GNL2: variants seen among roughly 807,000 people sequenced by gnomAD.
The protein encoded by GNL2 is nucleolar GTP-binding protein 2.
Under a neutral mutation model 92.3 loss-of-function variants are expected in GNL2, and 51 were observed. The observed-to-expected ratio is 0.55, with a 90% CI of 0.44 to 0.70. The LOEUF (loss-of-function observed/expected upper bound fraction) is 0.70. Among genes scored for constraint, GNL2 ranks in the 30% least tolerant of loss-of-function variants. The pLI is 0.00. For missense variants in GNL2, 844 were observed against 895.6 expected, an observed-to-expected ratio of 0.94 and a Z score of 0.74; for synonymous variants, 283 against 300.6, an observed-to-expected ratio of 0.94 and a Z score of 0.61.
chr1:37,582,903 G>C lies in GNL2; in HGVS notation c.670C>G (p.Leu224Val). 1.9e-6 allele frequency: 3 copies of C among 1,612,742 alleles called. No individual in the cohort carries two copies. Among genetic ancestry groups the C allele is most frequent in the Non-Finnish European group, 2.5e-6 (3 of 1,179,130 alleles). Reference sequence around the variant, plus strand: ...GTACCCATTGGATCTCTAGCATCAAGAACTTGAACTACAACATCTGATGAA... The same window carrying C: ...GTACCCATTGGATCTCTAGCATCAACAACTTGAACTACAACATCTGATGAA... ...IDSSDVVVQV[L>V]DARDPMGTRS... Residue 224 changes from leucine to valine, a missense_variant, in exon 7 of 16, where the codon CTT (leucine) becomes GTT (valine). Leu to Val is a conservative substitution (Grantham distance 32). Transcript: ENST00000373062.
At chr1:37,591,096 C>T (rs1643885053) in intron 3 of GNL2, among the ~76,000 whole-genome samples, 2 of 152,182 alleles carry the variant, frequency 1.3e-5, no homozygotes, top group Non-Finnish European at 2.9e-5. Flanking sequence ...GTCCAGTTTC[C>T]TAACTAAATG....
At chr1:37,590,922 G>C in intron 3 of GNL2, 77 bp from the exon 4 acceptor site, 1 of 1,179,644 alleles carries the variant, frequency 8.5e-7, no homozygotes, top group Non-Finnish European at 1.2e-6. Flanking sequence ...TGAAAGGCAA[G>C]ATTTTAAATT....
intron 14 of GNL2, 64 bp from the exon 15 acceptor site, chr1:37,567,828 G>A (rs2148126175): frequency 8.0e-7 from 1 of 1,256,984 alleles, no homozygotes; most frequent in South Asian, 1.2e-5. Context: ...ACCCAACGGT[G>A]GGAACAAGCT....
At chr1:37,571,498 A>C (rs1003289067) in intron 12 of GNL2, among the ~76,000 whole-genome samples, 14 of 152,214 alleles carry the variant, frequency 9.2e-5, no homozygotes, top group African/African-American at 2.7e-4. Flanking sequence ...GATCTGCATG[A>C]GAACACAGCT....
At position 37,575,199 on chromosome 1, in the gene GNL2, G is replaced by A. The variant is rs1367115601; in HGVS notation, c.1144-376C>T. 6.6e-6 allele frequency among the ~76,000 whole-genome samples: 1 copy of A among 152,216 alleles called. No individual in the cohort carries two copies. Among genetic ancestry groups the A allele is most frequent in the Non-Finnish European group, 1.5e-5 (1 of 68,038 alleles). On this transcript the variant is annotated intron_variant, in intron 10 of 15. Transcript: ENST00000373062. This position sits in a 1 kb window ranked among gnomAD's most constrained non-coding sequence, Gnocchi z 4.1. ...AGGAGGAATGTGTACAGGATGTATA[G>A]CCAGAAGCATGGTCAAGGTTAAGTG...
intron 8 of GNL2, among the ~76,000 whole-genome samples, chr1:37,579,957 G>C (rs1459812706): frequency 6.8e-6 from 1 of 146,734 alleles, no homozygotes; most frequent in Non-Finnish European, 1.5e-5. Context: ...GGAGGTAAAA[G>C]CAAATTTCTG....
At chr1:37,573,379 G>C (rs1404373292) in intron 12 of GNL2, among the ~76,000 whole-genome samples, 1 of 152,224 alleles carries the variant, frequency 6.6e-6, no homozygotes, top group Non-Finnish European at 1.5e-5. Context: ...GACTTGGCTG[G>C]GTTCTGAAAA....
In GNL2 at chr1:37,568,213, A is replaced by C. The variant is rs1570046039; in HGVS notation, c.1951+62T>G. 13 of 1,012,748 alleles carry C rather than the reference A, an allele frequency of 1.3e-5. No individual in the cohort carries two copies. The East Asian group carries it at 3.1e-4, about 24-fold the overall frequency. 62.7% of individuals were successfully genotyped at this position (1,012,748 alleles called of 1,614,324 possible). A position where few individuals can be genotyped will look rare whatever the true frequency, so the allele number is the denominator to read the frequency against. The stretch of plus-strand genomic sequence containing the variant: ...CTGAGATAATTTGGAGACTGAACTT[A>C]GGTTTCTCAAAACTCTAAATATGCA... On this transcript the variant is annotated intron_variant, in intron 14 of 15. Transcript: ENST00000373062.
intron 8 of GNL2, among the ~76,000 whole-genome samples, chr1:37,580,522 A>G (rs763810691): frequency 3.3e-5 from 5 of 152,248 alleles, no homozygotes; most frequent in Admixed American, 6.5e-5. Flanking sequence ...AATATGTCCC[A>G]TGGAAAGAAA....
chr1:37,582,576 A>C (rs542084458), intron 7 of GNL2, among the ~76,000 whole-genome samples: 1 of 152,362 alleles, frequency 6.6e-6, no homozygotes, highest in East Asian at 1.9e-4. Flanking sequence ...CAATTAATGG[A>C]GCATAATGTG....
At chr1:37,591,520 T>C (rs1263964590) in intron 3 of GNL2, among the ~76,000 whole-genome samples, 18 of 150,674 alleles carry the variant, frequency 1.2e-4, no homozygotes, top group Non-Finnish European at 2.4e-4. Flanking sequence ...TTTTTTTTTT[T>C]TTTGAGATGG....
intron 9 of GNL2, 40 bp downstream of exon 9, chr1:37,576,388 G>C: frequency 6.3e-7 from 1 of 1,589,428 alleles, no homozygotes; most frequent in Non-Finnish European, 8.6e-7. Flanking sequence ...TCTATGAAAA[G>C]AAAATATGCA....
chr1:37,576,514 A>G lies in GNL2; in HGVS notation c.952T>C (p.Tyr318His), dbSNP rs748503699. Residue 318 changes from tyrosine to histidine, a missense_variant, in exon 9 of 16, where the codon TAT becomes CAT. By Grantham distance (83) the Tyr-to-His change is moderately conservative. Coordinates refer to ENST00000373062, the MANE Select transcript of GNL2 (RefSeq NM_013285.3). ...KKQISVGFIG[Y>H]PNVGKSSVIN... The stretch of plus-strand genomic sequence containing the variant: ...ACAGAGCTCTTGCCAACATTTGGAT[A>G]GCCAATGAACCCAACACTGATCTGT... The G allele has an allele frequency of 6.2e-7, 1 of 1,614,102 alleles. No homozygotes were observed. Among genetic ancestry groups the G allele is most frequent in the Non-Finnish European group, 8.5e-7 (1 of 1,179,896 alleles).
chr1:37,587,221 C>A (rs1002119408), intron 5 of GNL2, 90 bp downstream of exon 5: 77 of 966,778 alleles, frequency 8.0e-5, no homozygotes, highest in Non-Finnish European at 1.1e-4. Flanking sequence ...GGGCCAAGAT[C>A]GCACCACTGC....
At chr1:37,594,362 T>C (rs1643908445) in intron 1 of GNL2, among the ~76,000 whole-genome samples, 1 of 152,356 alleles carries the variant, frequency 6.6e-6, no homozygotes, top group South Asian at 2.1e-4. Flanking sequence ...CAAGGCACCA[T>C]GGAGACTATA....
At chr1:37,574,299 G>T (rs750105572) in intron 12 of GNL2, 44 bp downstream of exon 12, 7 of 1,226,280 alleles carry the variant, frequency 5.7e-6, no homozygotes, top group Non-Finnish European at 8.4e-6. Flanking sequence ...CCAAATCTAG[G>T]TCAGGACCCA....
intron 8 of GNL2, 81 bp from the exon 9 acceptor site, chr1:37,576,637 T>C (rs1411945218): frequency 6.4e-6 from 9 of 1,395,398 alleles, no homozygotes; most frequent in Non-Finnish European, 8.9e-6. Context: ...ACTTTGTTAA[T>C]ATCAAGAATA....
At chr1:37,579,204 T>G (rs1200021587) in intron 8 of GNL2, among the ~76,000 whole-genome samples, 3 of 152,018 alleles carry the variant, frequency 2.0e-5, no homozygotes, top group Non-Finnish European at 4.4e-5. Flanking sequence ...AATTAAAAAT[T>G]AAAAGCAATT....
intron 8 of GNL2, among the ~76,000 whole-genome samples, chr1:37,578,970 TG>T (rs1218191223): frequency 6.6e-6 from 1 of 152,114 alleles, no homozygotes; most frequent in Non-Finnish European, 1.5e-5. Flanking sequence ...CACTTCAGCC[TG>T]GGTTAAGACA....
Sources: allele counts gnomAD v4.1 joint callset (sites outside exome capture counted in the v4.1 genomes callset), GRCh38; gene constraint gnomAD v4.1.1; non-coding constraint Gnocchi (gnomAD v3.1); transcripts MANE v1.5; gene names NCBI Gene and HGNC (gene_info 2026-07-23, HGNC 2026-07-21).